NAV2: variants seen among roughly 807,000 people sequenced by gnomAD.
NAV2 encodes the protein neuron navigator 2.
A neutral mutation model predicts 223.2 loss-of-function variants in NAV2; 54 were observed. The ratio of observed to expected loss-of-function variants is 0.24; its 90% CI spans 0.19 to 0.30. The LOEUF is 0.30. Ranked by LOEUF, NAV2 falls within the 10% of genes least tolerant of loss-of-function variation. The probability of loss-of-function intolerance (pLI) is 1.00; values close to 1 mark genes in which losing one functional copy is unlikely to be tolerated. For synonymous variants in NAV2, 1,279 were observed against 1,239.3 expected (o/e 1.03, Z -0.67); for missense variants, 2,806 against 3,147.5 (o/e 0.89, Z 2.60).
chr11:19,350,948 G>A, exon 1 of NAV2: 1 of 1,551,584 alleles, frequency 6.4e-7, no homozygotes, highest in African/African-American at 1.4e-5. Flanking sequence ...TTTTATTTCT[G>A]GGAAATGGAA....
intron 1 of NAV2, among the ~76,000 whole-genome samples, chr11:19,616,833 C>A (rs866645269): frequency 6.6e-6 from 1 of 152,022 alleles, no homozygotes; most frequent in Non-Finnish European, 1.5e-5. Flanking sequence ...TGAATTGAGG[C>A]TGAGGGGTTA....
intron 30 of NAV2, among the ~76,000 whole-genome samples, chr11:20,096,267 GC>G (rs76618223): frequency 0.026 from 3,928 of 152,234 alleles, 278 homozygotes; most frequent in East Asian, 0.25. Flanking sequence ...CAAGGATGTT[GC>G]CATACTTATT....
chr11:19,477,655 A>G (rs1395174024), intron 1 of NAV2, among the ~76,000 whole-genome samples: 1 of 152,240 alleles, frequency 6.6e-6, no homozygotes, highest in Non-Finnish European at 1.5e-5. Flanking sequence ...ACATACGGCA[A>G]GCAGTCCATG....
At chr11:19,859,183 C>T (rs1427037476) in intron 3 of NAV2, among the ~76,000 whole-genome samples, 1 of 107,554 alleles carries the variant, frequency 9.3e-6, no homozygotes, top group Non-Finnish European at 1.9e-5. Flanking sequence ...GGGTGTTTCT[C>T]GCAGAGGGGG....
chr11:19,384,134 A>C (rs1465031310), intron 1 of NAV2, among the ~76,000 whole-genome samples: 1 of 152,256 alleles, frequency 6.6e-6, no homozygotes, highest in East Asian at 1.9e-4. Context: ...AGCAAATTAC[A>C]TAACAGTGTA....
chr11:19,369,788 G>C (rs1384333557), intron 1 of NAV2, among the ~76,000 whole-genome samples: 2 of 152,182 alleles, frequency 1.3e-5, no homozygotes, highest in East Asian at 3.8e-4. Flanking sequence ...TCGAGCCGGT[G>C]CATCAGGAAA....
intron 1 of NAV2, among the ~76,000 whole-genome samples, chr11:19,619,387 G>A (rs1466650918): frequency 5.3e-5 from 8 of 152,096 alleles, no homozygotes; most frequent in Admixed American, 5.2e-4. Context: ...CAGTGTAAAA[G>A]TGTTCCTATT....
At chr11:19,810,617 T>C (rs1434860613) in intron 1 of NAV2, among the ~76,000 whole-genome samples, 1 of 152,256 alleles carries the variant, frequency 6.6e-6, no homozygotes. Flanking sequence ...TTTTAGTTTC[T>C]ATAGAGTCTT....
intron 22 of NAV2, among the ~76,000 whole-genome samples, chr11:20,077,162 T>C (rs1592015694): frequency 6.6e-6 from 1 of 152,172 alleles, no homozygotes; most frequent in East Asian, 1.9e-4. Flanking sequence ...TTTTTAACTA[T>C]GATATCTCAA....
At chr11:19,449,421 C>T (rs1172010249) in intron 1 of NAV2, among the ~76,000 whole-genome samples, 6 of 151,828 alleles carry the variant, frequency 4.0e-5, no homozygotes, top group African/African-American at 9.7e-5. Flanking sequence ...ATGTGGGAGC[C>T]GAGAAGGAAC....
intron 1 of NAV2, among the ~76,000 whole-genome samples, chr11:19,433,191 T>G (rs1851095972): frequency 1.3e-5 from 2 of 152,192 alleles, no homozygotes; most frequent in Admixed American, 1.3e-4. Flanking sequence ...AGAGGATGCC[T>G]CTAAAGGGCA....
At chr11:19,486,024 C>G (rs1217568956) in intron 1 of NAV2, among the ~76,000 whole-genome samples, 1 of 152,138 alleles carries the variant, frequency 6.6e-6, no homozygotes, top group East Asian at 1.9e-4. Flanking sequence ...TTGGCACTGC[C>G]CTTGAGGTTT....
chr11:19,449,937 C>T (rs552204044), intron 1 of NAV2, among the ~76,000 whole-genome samples: 11 of 151,888 alleles, frequency 7.2e-5, no homozygotes, highest in African/African-American at 2.2e-4. Flanking sequence ...ACATCCATAG[C>T]AAAGGGCAGC....
chr11:19,671,966 A>G (rs1351231799), intron 1 of NAV2, among the ~76,000 whole-genome samples: 2 of 152,186 alleles, frequency 1.3e-5, no homozygotes, highest in African/African-American at 4.8e-5. Flanking sequence ...CTAGAGGGAG[A>G]GACATTCACA....
intron 36 of NAV2, among the ~76,000 whole-genome samples, chr11:20,108,621 T>TTG (rs1554970648): frequency 6.6e-6 from 1 of 151,216 alleles, no homozygotes; most frequent in African/African-American, 2.4e-5. Context: ...TTTTTTTTTT[T>TTG]TTTGGATTTT....
chr11:19,921,638 T>C (rs2044277812), intron 6 of NAV2, among the ~76,000 whole-genome samples: 1 of 152,218 alleles, frequency 6.6e-6, no homozygotes, highest in Non-Finnish European at 1.5e-5. Context: ...TCCTGTTTAT[T>C]GTCCCTTCTC....
chr11:19,705,111 A>G (rs1225339534), intron 1 of NAV2, among the ~76,000 whole-genome samples: 1 of 151,348 alleles, frequency 6.6e-6, no homozygotes, highest in East Asian at 1.9e-4. Flanking sequence ...AAATAAATAA[A>G]TAAATAAATA....
rs749538370 is a variant in NAV2 at position 19,880,056 on chromosome 11, C to A, written c.699C>A (p.Pro233=). 3.1e-6 allele frequency: 5 copies of A among 1,613,420 alleles called. No individual in the cohort carries two copies. The highest frequency in any genetic ancestry group is 4.2e-6 in the Non-Finnish European group (5 of 1,179,572). Residue 233 remains proline, a synonymous_variant, in exon 5 of 38, where the codon CCC becomes CCA. Coordinates refer to ENST00000349880, the MANE Select transcript of NAV2 (RefSeq NM_145117.5). ...CTCAGCAGCAGGTGCCAGTCACTCC[C>A]CAAGCCCCGTGCCAGCCTCACCAGC... ...GTPQQQVPVT[P]QAPCQPHQPA...
intron 1 of NAV2, among the ~76,000 whole-genome samples, chr11:19,629,460 A>G (rs1470867890): frequency 6.6e-6 from 1 of 151,704 alleles, no homozygotes; most frequent in Non-Finnish European, 1.5e-5. Flanking sequence ...TGTCAGCGAC[A>G]TTTTTCTTAC....
Sources: gnomAD v4.1 joint callset for allele counts (sites outside exome capture counted in the v4.1 genomes callset) on GRCh38, gnomAD v4.1.1 for gene constraint, MANE v1.5 for transcripts, NCBI Gene and HGNC (gene_info 2026-07-23, HGNC 2026-07-21) for gene names.